TNRC6B: variants seen among roughly 807,000 people sequenced by gnomAD.
TNRC6B encodes trinucleotide repeat containing adaptor 6B.
A neutral mutation model predicts 203.6 loss-of-function variants in TNRC6B; 52 were observed. That is an observed-to-expected ratio of 0.26 (90% CI 0.20 to 0.32). The LOEUF is 0.32. TNRC6B is among the 10% of genes least tolerant of loss of function. The probability of loss-of-function intolerance (pLI) is 1.00; values close to 1 mark genes in which losing one functional copy is unlikely to be tolerated. For missense variants in TNRC6B, 1,923 were observed against 2,286.2 expected (o/e 0.84, Z 3.24); for synonymous variants, 838 against 845.7 (o/e 0.99, Z 0.16).
intron 1 of TNRC6B, among the ~76,000 whole-genome samples, chr22:40,179,976 A>C (rs531784592): frequency 5.3e-5 from 8 of 152,368 alleles, no homozygotes; most frequent in African/African-American, 1.9e-4. Context: ...GGTAATAAAT[A>C]CAGAAGTGAC....
intron 1 of TNRC6B, among the ~76,000 whole-genome samples, chr22:40,222,875 A>G (rs1225498049): frequency 6.7e-6 from 1 of 149,860 alleles, no homozygotes; most frequent in Non-Finnish European, 1.5e-5. Flanking sequence ...CCTTGTGAGT[A>G]GCTGGGACTA....
intron 1 of TNRC6B, among the ~76,000 whole-genome samples, chr22:40,102,711 G>T (rs989811077): frequency 2.0e-5 from 3 of 152,012 alleles, no homozygotes; most frequent in Admixed American, 2.0e-4. Context: ...GCTGAGATGG[G>T]GAGACTGCTT....
intron 1 of TNRC6B, among the ~76,000 whole-genome samples, chr22:40,214,736 T>C (rs2069612094): frequency 1.3e-5 from 2 of 152,148 alleles, no homozygotes; most frequent in African/African-American, 4.8e-5. Flanking sequence ...TTTATTTTTG[T>C]GGAGATAGAG....
In TNRC6B at chr22:40,326,917, GC is replaced by G. The variant is rs1272274447; in HGVS notation, c.*3677del. The G allele has an allele frequency of 2.6e-5, 4 of 152,732 alleles. No homozygotes were observed. The highest frequency in any genetic ancestry group is 9.6e-5 in the African/African-American group (4 of 41,554). The allele number at this position is 152,732 out of a possible 1,614,324, so 9.5% of individuals were successfully genotyped here. A position where few individuals can be genotyped will look rare whatever the true frequency, so the allele number is the denominator to read the frequency against. On this transcript the variant is annotated 3_prime_UTR_variant, in exon 23 of 23. Transcript: ENST00000454349. ...AGTGATTTTACTTTTTTAGCTCCCA[GC>G]TACTGTTGTGCTCGTTTTAATTGCT...
chr22:40,210,027 A>AG (rs953339174), intron 1 of TNRC6B, among the ~76,000 whole-genome samples: 17 of 151,200 alleles, frequency 1.1e-4, no homozygotes, highest in African/African-American at 4.1e-4. Flanking sequence ...CAAAAAAAAA[A>AG]AAAAAGAGAG....
rs377189644 is a variant in TNRC6B at position 40,162,747 on chromosome 22, C to G, written c.113+6565C>G. Among the ~76,000 whole-genome samples, 5 of 152,264 alleles carry G rather than the reference C, an allele frequency of 3.3e-5. 1 individual carries two copies. The highest frequency in any genetic ancestry group is 1.9e-4 in the East Asian group (1 of 5,190). Reference sequence around the variant, plus strand: ...CTCTCTGTAAACTCAATCATTATTACACAGTAGTAAGCTAGACATCAGAAG... The same window carrying G: ...CTCTCTGTAAACTCAATCATTATTAGACAGTAGTAAGCTAGACATCAGAAG... On this transcript the variant is annotated intron_variant, in intron 4 of 23. Transcript: ENST00000301923.
intron 1 of TNRC6B, among the ~76,000 whole-genome samples, chr22:40,195,909 A>G (rs892818425): frequency 3.3e-5 from 5 of 152,136 alleles, no homozygotes; most frequent in Admixed American, 2.6e-4. Flanking sequence ...AGCTGGGACT[A>G]CAGGCGCCCG....
chr22:40,056,668 C>T lies in TNRC6B; in HGVS notation c.-121+11670C>T, dbSNP rs191172580. ...TAAACATCAACTGAGCATGATGGCA[C>T]ATGCCTGTAGTCCTAGCTACTCAAA... is the stretch of plus-strand genomic sequence containing the variant. On this transcript the variant is annotated intron_variant, in intron 1 of 23. Transcript: ENST00000301923. Among the ~76,000 whole-genome samples the T allele has an allele frequency of 4.5e-3, 685 of 152,024 alleles. 8 individuals carry two copies. The highest frequency in any genetic ancestry group is 6.4e-3 in the South Asian group (31 of 4,818).
intron 1 of TNRC6B, among the ~76,000 whole-genome samples, chr22:40,220,975 C>T (rs1259866451): frequency 1.3e-5 from 2 of 152,136 alleles, no homozygotes; most frequent in African/African-American, 2.4e-5. Context: ...CCCAAAGCCC[C>T]GCCTCACATG....
At chr22:40,129,865 C>T (rs1325498713) in intron 3 of TNRC6B, among the ~76,000 whole-genome samples, 1 of 151,988 alleles carries the variant, frequency 6.6e-6, no homozygotes, top group Non-Finnish European at 1.5e-5. Flanking sequence ...GTGATGGGTA[C>T]ATAGGAGTTT....
At chr22:40,069,783 C>T (rs575651818) in intron 1 of TNRC6B, among the ~76,000 whole-genome samples, 3 of 152,188 alleles carry the variant, frequency 2.0e-5, no homozygotes, top group South Asian at 2.1e-4. Context: ...GCACTGCGCC[C>T]GGCCGAGAGC....
At chr22:40,214,548 G>GTT (rs1218104004) in intron 1 of TNRC6B, among the ~76,000 whole-genome samples, 39 of 75,050 alleles carry the variant, frequency 5.2e-4, no homozygotes, top group African/African-American at 4.2e-3. Context: ...TTCTTTCTGT[G>GTT]GTTTTTTTTT....
intron 3 of TNRC6B, among the ~76,000 whole-genome samples, chr22:40,150,945 T>C (rs1002642429): frequency 2.0e-5 from 3 of 152,028 alleles, no homozygotes; most frequent in African/African-American, 4.8e-5. Context: ...ACCCCTCCCC[T>C]CCTACACACA....
At chr22:40,253,603 A>G (rs1176445630) in intron 3 of TNRC6B, 3 of 456,212 alleles carry the variant, frequency 6.6e-6, no homozygotes, top group African/African-American at 2.0e-5. Context: ...CACTCCAATC[A>G]AAAGATAACA....
At position 40,270,299 on chromosome 22, in the gene TNRC6B, A is replaced by T. The variant is rs1456000797; in HGVS notation, c.2965+19A>T. ...AAGCCTAGTAAGTGTGAAGCTTTTC[A>T]TTTTTGAGGGATCCTTTTTTTTTTT... On this transcript the variant is annotated intron_variant, in intron 6 of 22. Transcript: ENST00000454349. The T allele has an allele frequency of 3.0e-6, 4 of 1,316,252 alleles. No homozygotes were observed. The highest frequency in any genetic ancestry group is 3.9e-6 in the Non-Finnish European group (4 of 1,027,830). The allele number at this position is 1,316,252 out of a possible 1,614,324, so 81.5% of individuals were successfully genotyped here. A position where few individuals can be genotyped will look rare whatever the true frequency, so the allele number is the denominator to read the frequency against.
intron 3 of TNRC6B, among the ~76,000 whole-genome samples, chr22:40,132,965 A>AT (rs1555884674): frequency 4.5e-5 from 3 of 67,128 alleles, no homozygotes; most frequent in African/African-American, 1.0e-4. Flanking sequence ...AAAAAAAAAA[A>AT]AAAAATATAT....
At position 40,288,872 on chromosome 22, in the gene TNRC6B, C is replaced by G. The variant is rs576083438; in HGVS notation, c.3708+3102C>G. Among the ~76,000 whole-genome samples, 4 of 119,910 alleles carry G rather than the reference C, an allele frequency of 3.3e-5. No individual in the cohort carries two copies. In the South Asian group the frequency reaches 8.7e-4, roughly 26 times the overall value. The allele number at this position is 119,910 out of a possible 152,430, so 78.7% of individuals were successfully genotyped here. ...TTTTTTTTTTTTTGAGGCAGAGTCTCTCTCTCACTCAGCTCACTGCAACCT... is the reference window on the plus strand; with the variant it reads ...TTTTTTTTTTTTTGAGGCAGAGTCTGTCTCTCACTCAGCTCACTGCAACCT... On this transcript the variant is annotated intron_variant, in intron 12 of 22. Transcript: ENST00000454349.
chr22:40,105,309 C>G (rs1285826938), intron 1 of TNRC6B, among the ~76,000 whole-genome samples: 1 of 152,100 alleles, frequency 6.6e-6, no homozygotes, highest in Non-Finnish European at 1.5e-5. Flanking sequence ...ATCACACAAT[C>G]AGAAAAGTGC....
chr22:40,130,308 G>T (rs2068529827), intron 3 of TNRC6B, among the ~76,000 whole-genome samples: 1 of 152,176 alleles, frequency 6.6e-6, no homozygotes, highest in Non-Finnish European at 1.5e-5. Context: ...GGGAGTTTTG[G>T]AGGAGGAAAG....
Sources: allele counts gnomAD v4.1 joint callset (sites outside exome capture counted in the v4.1 genomes callset), GRCh38; gene constraint gnomAD v4.1.1; transcripts MANE v1.5; gene names NCBI Gene and HGNC (gene_info 2026-07-23, HGNC 2026-07-21).